Variants in PSD3 observed in about 807,000 individuals in gnomAD.
The protein encoded by PSD3 is pleckstrin and Sec7 domain containing 3, also known as PH and SEC7 domain-containing protein 3.
A neutral mutation model predicts 105.5 loss-of-function variants in PSD3; 49 were observed. The observed-to-expected ratio is 0.46, with a 90% CI of 0.37 to 0.59. PSD3 has a LOEUF of 0.59. Among genes scored for constraint, PSD3 ranks in the 20% least tolerant of loss-of-function variants. The pLI, the probability that PSD3 is intolerant of heterozygous loss-of-function variation, is 0.00. For missense variants in PSD3, 1,561 were observed against 1,263.8 expected (o/e 1.24, Z -3.57); for synonymous variants, 557 against 457.8 (o/e 1.22, Z -2.77).
Position 18,721,637 on chromosome 8 carries a change from T to G in PSD3, c.2172+43812A>C, listed in dbSNP as rs74818994. Among the ~76,000 whole-genome samples the G allele has an allele frequency of 3.8e-3, 575 of 152,332 alleles. 10 individuals carry two copies. In the East Asian group the frequency reaches 0.046, roughly 12 times the overall value. On this transcript the variant is annotated intron_variant, in intron 9 of 15. Transcript: ENST00000327040. ...AAGACCAGAGATGGGCCTGGGTCTT[T>G]GGACTCCTGTTCCAGGAACCATACT...
intron 10 of PSD3, among the ~76,000 whole-genome samples, chr8:18,637,194 T>G (rs556789563): frequency 7.2e-5 from 11 of 152,376 alleles, no homozygotes; most frequent in Middle Eastern, 3.4e-3. Context: ...ACATTTCTTT[T>G]GTCTTACACT....
At chr8:18,671,877 C>T (rs142560606) in intron 9 of PSD3, among the ~76,000 whole-genome samples, 2,137 of 152,190 alleles carry the variant, frequency 0.014, 41 homozygotes, top group East Asian at 0.07. Flanking sequence ...GTTATCCGCC[C>T]GCCTTGGCCT....
intron 4 of PSD3, among the ~76,000 whole-genome samples, chr8:18,813,383 T>C (rs1305262900): frequency 2.6e-5 from 4 of 152,182 alleles, no homozygotes; most frequent in Non-Finnish European, 5.9e-5. Context: ...CTGGTAGCAA[T>C]GGCAACCATC....
rs189920947 is a variant in PSD3, at chr8:18,740,347, T to C, written c.2172+25102A>G. Among the ~76,000 whole-genome samples, 15 of 152,352 alleles carry C rather than the reference T, an allele frequency of 9.8e-5. No individual in the cohort carries two copies. The East Asian group carries it at 2.7e-3, about 27-fold the overall frequency. On this transcript the variant is annotated intron_variant, in intron 9 of 15. Coordinates refer to ENST00000327040, the MANE Select transcript of PSD3 (RefSeq NM_015310.4). ...AATCTGACCTCAACTGCACCCTTTC[T>C]GTTCCACTTCACTTCTCCTCAATTC...
intron 1 of PSD3, among the ~76,000 whole-genome samples, chr8:18,993,630 G>C (rs537617963): frequency 1.7e-4 from 26 of 151,864 alleles, no homozygotes; most frequent in African/African-American, 6.0e-4. Flanking sequence ...CCCCAATTCA[G>C]TTGTATGCTT....
At chr8:18,619,521 T>TA (rs1270721741) in intron 11 of PSD3, among the ~76,000 whole-genome samples, 1 of 151,924 alleles carries the variant, frequency 6.6e-6, no homozygotes, top group African/African-American at 2.4e-5. Context: ...TGCGTGCCTG[T>TA]AATCCCAGCT....
intron 9 of PSD3, among the ~76,000 whole-genome samples, chr8:18,679,298 G>A (rs999827867): frequency 2.0e-5 from 3 of 152,192 alleles, no homozygotes; most frequent in Non-Finnish European, 4.4e-5. Flanking sequence ...ATCTAACAAT[G>A]CAAAGGAAAC....
chr8:18,735,961 G>A (rs1328208505), intron 9 of PSD3, among the ~76,000 whole-genome samples: 2 of 152,024 alleles, frequency 1.3e-5, no homozygotes, highest in African/African-American at 4.8e-5. Context: ...GATTTTTATG[G>A]ATCTAACTAT....
intron 1 of PSD3, among the ~76,000 whole-genome samples, chr8:19,077,554 C>A (rs560315207): frequency 2.8e-4 from 43 of 152,234 alleles, no homozygotes; most frequent in South Asian, 1.0e-3. Flanking sequence ...ATTTGCCCAC[C>A]TTTTTCGTTT....
At chr8:19,054,482 G>A (rs1372104866) in intron 1 of PSD3, among the ~76,000 whole-genome samples, 1 of 152,120 alleles carries the variant, frequency 6.6e-6, no homozygotes, top group African/African-American at 2.4e-5. Context: ...GGAAGGGAAG[G>A]AGAAAATGAT....
intron 8 of PSD3, among the ~76,000 whole-genome samples, chr8:18,790,526 T>C (rs1277445275): frequency 6.6e-6 from 1 of 151,998 alleles, no homozygotes; most frequent in Non-Finnish European, 1.5e-5. Context: ...ATGGTCTCTA[T>C]CTCCTGACCT....
chr8:18,633,232 C>T (rs1275030071), intron 10 of PSD3, among the ~76,000 whole-genome samples: 1 of 152,024 alleles, frequency 6.6e-6, no homozygotes, highest in African/African-American at 2.4e-5. Flanking sequence ...CAGGGTCTAG[C>T]ATAGAACTAG....
chr8:18,774,820 G>A (rs567158919), intron 8 of PSD3: 176 of 446,784 alleles, frequency 3.9e-4, no homozygotes, highest in Non-Finnish European at 4.8e-4. Context: ...TCACTTCGGC[G>A]ACATACATCT....
intron 12 of PSD3, among the ~76,000 whole-genome samples, chr8:18,587,684 A>G (rs1216329704): frequency 6.6e-6 from 1 of 151,962 alleles, no homozygotes; most frequent in East Asian, 1.9e-4. Flanking sequence ...CTTCAGTAAG[A>G]TTTTTCCACG....
chr8:18,580,531 AAC>A (rs1415215222), intron 12 of PSD3, among the ~76,000 whole-genome samples: 1 of 152,040 alleles, frequency 6.6e-6, no homozygotes, highest in Non-Finnish European at 1.5e-5. Flanking sequence ...GCCTGGGTGA[AAC>A]AGTGAGAATC....
intron 10 of PSD3, among the ~76,000 whole-genome samples, chr8:18,654,934 TTAAAA>T (rs1808780176): frequency 6.6e-6 from 1 of 152,140 alleles, no homozygotes. Context: ...AAGGAGATAA[TTAAAA>T]TAAGTGGATG....
intron 1 of PSD3, among the ~76,000 whole-genome samples, chr8:18,945,161 T>C (rs1019345664): frequency 6.6e-6 from 1 of 152,196 alleles, no homozygotes; most frequent in Non-Finnish European, 1.5e-5. Context: ...TACATTCTAA[T>C]CTCTGGAACC....
rs544843772 is a variant in PSD3, at chr8:18,695,465, T to A, written c.2173-39780A>T. ...TCTTCCATGTATGCCAGAAGACCCC[T>A]GAAGGATTCCATAGAACTGTGGATA... On this transcript the variant is annotated intron_variant, in intron 9 of 15. Coordinates refer to ENST00000327040, the MANE Select transcript of PSD3 (RefSeq NM_015310.4). 2.6e-5 allele frequency among the ~76,000 whole-genome samples: 4 copies of A among 152,364 alleles called. No homozygotes were observed. The South Asian group carries it at 8.3e-4, about 32-fold the overall frequency.
chr8:18,995,161 G>A (rs968730756), intron 1 of PSD3, among the ~76,000 whole-genome samples: 4 of 152,146 alleles, frequency 2.6e-5, no homozygotes, highest in African/African-American at 9.6e-5. Flanking sequence ...CAACTGAACT[G>A]GCAAATTGGC....
Sources: gnomAD v4.1 joint callset for allele counts (sites outside exome capture counted in the v4.1 genomes callset) on GRCh38, gnomAD v4.1.1 for gene constraint, MANE v1.5 for transcripts, NCBI Gene and HGNC (gene_info 2026-07-23, HGNC 2026-07-21) for gene names.